The following ARHGEF28 variants were observed in gnomAD, a reference collection of about 807,000 sequenced individuals.
ARHGEF28 encodes the protein 190 kDa guanine nucleotide exchange factor.
Under a neutral mutation model 206.6 loss-of-function variants are expected in ARHGEF28, and 152 were observed. The observed-to-expected ratio is 0.74, with a 90% confidence interval of 0.64 to 0.84. ARHGEF28 has a LOEUF of 0.84. Among genes scored for constraint, ARHGEF28 ranks in the 40% least tolerant of loss-of-function variants. ARHGEF28 has a pLI of 0.00. For missense variants in ARHGEF28, 2,028 were observed against 2,073.2 expected, an observed-to-expected ratio of 0.98 and a Z score of 0.42; for synonymous variants, 763 against 776.4, an observed-to-expected ratio of 0.98 and a Z score of 0.29.
chr5:73,933,315 G>T (rs1764238006), intron 35 of ARHGEF28, among the ~76,000 whole-genome samples: 1 of 152,196 alleles, frequency 6.6e-6, no homozygotes, highest in African/African-American at 2.4e-5. Context: ...GCCCATACCT[G>T]AATCTATCTT....
At chr5:73,776,116 C>G (rs1306933795) in intron 5 of ARHGEF28, among the ~76,000 whole-genome samples, 1 of 152,182 alleles carries the variant, frequency 6.6e-6, no homozygotes, top group Non-Finnish European at 1.5e-5. Context: ...TATCTGTTTT[C>G]CACAGTAATC....
chr5:73,752,962 T>C lies in ARHGEF28; in HGVS notation c.235T>C (p.Tyr79His), dbSNP rs1299893577. ...ATCTGTGTGCCTCTGCTCGGAAGGT[T>C]ACTCTCCGGTGACCATGGGCTCTGG... ...TVSVCLCSEG[Y>H]SPVTMGSGSV... The change falls in exon 4 of 36, where the codon TAC becomes CAC. Residue 79 changes from tyrosine to histidine, a missense_variant. This residue lies in a region of ARHGEF28 where 1,002 missense variants were observed against 1,015.3 expected (regional missense o/e 0.99). Coordinates refer to ENST00000513042, the MANE Select transcript of ARHGEF28 (RefSeq NM_001177693.2). The C allele has an allele frequency of 3.7e-6, 6 of 1,613,752 alleles. No individual in the cohort carries two copies. In the Admixed American group the frequency reaches 6.7e-5, roughly 18 times the overall value.
chr5:73,802,866 A>C, intron 9 of ARHGEF28, among the ~76,000 whole-genome samples: 1 of 126,820 alleles, frequency 7.9e-6, no homozygotes, highest in Admixed American at 8.4e-5. Context: ...AGCAAGCTCG[A>C]TTGCTGTGTG....
intron 35 of ARHGEF28, among the ~76,000 whole-genome samples, chr5:73,931,596 T>C (rs937762282): frequency 6.6e-6 from 1 of 152,208 alleles, no homozygotes; most frequent in Non-Finnish European, 1.5e-5. Flanking sequence ...TACTATTCCA[T>C]TGATTGTTTA....
chr5:73,802,921 T>C (rs150536608), intron 9 of ARHGEF28, among the ~76,000 whole-genome samples: 99 of 121,180 alleles, frequency 8.2e-4, no homozygotes, highest in African/African-American at 2.7e-3. Context: ...TGTGTGTGTG[T>C]TGGTAGGCTT....
At chr5:73,801,288 T>C (rs929174264) in intron 9 of ARHGEF28, among the ~76,000 whole-genome samples, 5 of 151,476 alleles carry the variant, frequency 3.3e-5, no homozygotes, top group African/African-American at 1.2e-4. Context: ...CTACTAAAAC[T>C]ACAAAAAAAT....
chr5:73,781,217 G>T (rs1453031826), intron 7 of ARHGEF28, among the ~76,000 whole-genome samples: 1 of 152,178 alleles, frequency 6.6e-6, no homozygotes, highest in African/African-American at 2.4e-5. Context: ...AGGCATCAGG[G>T]CTGCTGGATG....
At chr5:73,801,146 T>A (rs944961051) in intron 9 of ARHGEF28, among the ~76,000 whole-genome samples, 1 of 152,220 alleles carries the variant, frequency 6.6e-6, no homozygotes, top group Non-Finnish European at 1.5e-5. Flanking sequence ...CGTTTTGAGA[T>A]GTTTTTAAAG....
chr5:73,800,603 A>G (rs1755072166), intron 9 of ARHGEF28, among the ~76,000 whole-genome samples: 1 of 152,176 alleles, frequency 6.6e-6, no homozygotes, highest in Non-Finnish European at 1.5e-5. Flanking sequence ...AAAGCTGGAT[A>G]TGGAAGGAAA....
At chr5:73,919,272 T>C (rs1763388075) in intron 35 of ARHGEF28, among the ~76,000 whole-genome samples, 1 of 152,182 alleles carries the variant, frequency 6.6e-6, no homozygotes, top group African/African-American at 2.4e-5. Flanking sequence ...AATAATTAGC[T>C]GTAAATTGGG....
intron 2 of ARHGEF28, among the ~76,000 whole-genome samples, chr5:73,721,032 G>T (rs548940371): frequency 6.6e-6 from 1 of 152,318 alleles, no homozygotes; most frequent in South Asian, 2.1e-4. Flanking sequence ...AGAGGTTAGA[G>T]AATTTTGTTA....
rs142476549 is a variant in ARHGEF28, at chr5:73,836,806, G to T, written c.1147-3674G>T. Among the ~76,000 whole-genome samples the T allele has an allele frequency of 7.9e-5, 12 of 152,192 alleles. No individual in the cohort carries two copies. In the East Asian group the frequency reaches 2.3e-3, roughly 29 times the overall value. On this transcript the variant is annotated intron_variant, in intron 10 of 35. Coordinates refer to ENST00000513042, the MANE Select transcript of ARHGEF28 (RefSeq NM_001177693.2). Reference sequence around the variant, plus strand: ...TTATGGTCTCAGGTTTTATGTTAAAGCCTTTATTGCATTTTGAGTTGATAT... The same window carrying T: ...TTATGGTCTCAGGTTTTATGTTAAATCCTTTATTGCATTTTGAGTTGATAT...
intron 2 of ARHGEF28, among the ~76,000 whole-genome samples, chr5:73,721,448 A>G (rs1371796478): frequency 3.9e-5 from 6 of 152,210 alleles, no homozygotes; most frequent in East Asian, 1.9e-4. Flanking sequence ...TGAAACCTCT[A>G]TAGTGCCTGG....
chr5:73,908,977 A>T, intron 33 of ARHGEF28: 1 of 154,400 alleles, frequency 6.5e-6, no homozygotes, highest in East Asian at 1.9e-4. Flanking sequence ...AAGGAAGGAT[A>T]CTACTAGGTT....
intron 1 of ARHGEF28, among the ~76,000 whole-genome samples, chr5:73,647,833 G>T (rs1744533794): frequency 6.6e-6 from 1 of 152,176 alleles, no homozygotes; most frequent in Admixed American, 6.5e-5. Context: ...GTCCCAATTT[G>T]ATCCTACTAC....
At chr5:73,694,898 T>C (rs1379237569) in intron 2 of ARHGEF28, among the ~76,000 whole-genome samples, 1 of 152,248 alleles carries the variant, frequency 6.6e-6, no homozygotes, top group Non-Finnish European at 1.5e-5. Context: ...CAGAATGCAC[T>C]TGGGAGTAGG....
At position 73,752,957 on chromosome 5, in the gene ARHGEF28, A is replaced by G. The variant is rs1377659278; in HGVS notation, c.230A>G (p.Glu77Gly). The G allele has an allele frequency of 4.3e-6, 7 of 1,613,704 alleles. No individual in the cohort carries two copies. Among genetic ancestry groups the G allele is most frequent in the African/African-American group, 4.0e-5 (3 of 74,898 alleles). Residue 77 changes from glutamate (E) to glycine (G), a missense_variant, in exon 4 of 36, where the codon GAA (glutamate) becomes GGA (glycine). This residue lies in a region of ARHGEF28 where 1,002 missense variants were observed against 1,015.3 expected (regional missense o/e 0.99). Transcript: ENST00000513042. ...TVTVSVCLCS[E>G]GYSPVTMGSG... ...ACGGTATCTGTGTGCCTCTGCTCGG[A>G]AGGTTACTCTCCGGTGACCATGGGC...
At chr5:73,738,482 C>CGTGTGTGTGTGT (rs59149035) in intron 2 of ARHGEF28, among the ~76,000 whole-genome samples, 3 of 145,684 alleles carry the variant, frequency 2.1e-5, no homozygotes, top group African/African-American at 7.7e-5. Context: ...AGAGTGGCCT[C>CGTGTGTGTGTGT]GTGTGTGTGT....
chr5:73,729,455 A>C (rs1423999474), intron 2 of ARHGEF28, among the ~76,000 whole-genome samples: 1 of 152,220 alleles, frequency 6.6e-6, no homozygotes. Flanking sequence ...CCTGTGAAAC[A>C]GAGTGAAACA....
Sources: allele counts gnomAD v4.1 joint callset (sites outside exome capture counted in the v4.1 genomes callset), GRCh38; gene constraint gnomAD v4.1.1; regional missense constraint gnomAD v4.1.1; transcripts MANE v1.5; gene names NCBI Gene and HGNC (gene_info 2026-07-23, HGNC 2026-07-21).